Variants in RPTOR observed in about 807,000 individuals in gnomAD.
RPTOR encodes regulatory associated protein of MTOR complex 1, also known as regulatory-associated protein of mTOR.
Under a neutral mutation model 169.9 loss-of-function variants are expected in RPTOR, and 21 were observed. The observed-to-expected ratio is 0.12, with a 90% CI of 0.09 to 0.18. The LOEUF (loss-of-function observed/expected upper bound fraction) is 0.18. RPTOR is among the 10% of genes least tolerant of loss of function. The pLI, the probability that RPTOR is intolerant of heterozygous loss-of-function variation, is 1.00. For synonymous variants in RPTOR, 732 were observed against 753.2 expected (o/e 0.97, Z 0.46); for missense variants, 1,133 against 1,855.9 (o/e 0.61, Z 7.16).
intron 3 of RPTOR, among the ~76,000 whole-genome samples, chr17:80,667,642 G>A (rs1253824173): frequency 6.6e-6 from 1 of 152,178 alleles, no homozygotes. Context: ...GTTTAGCTGA[G>A]TCTCTTGGGA....
chr17:80,675,428 CTGTT>C (rs1221962254), intron 3 of RPTOR, among the ~76,000 whole-genome samples: 1 of 152,218 alleles, frequency 6.6e-6, no homozygotes, highest in African/African-American at 2.4e-5. Flanking sequence ...TCCCTCCTCT[CTGTT>C]TATTACTAGG....
chr17:80,887,126 G>A (rs2068256435), intron 17 of RPTOR, among the ~76,000 whole-genome samples: 2 of 151,994 alleles, frequency 1.3e-5, no homozygotes, highest in African/African-American at 2.4e-5. Context: ...GAAGGCTAGC[G>A]AGGAGTCAGA....
At chr17:80,574,331 AT>A (rs1197680686) in intron 1 of RPTOR, among the ~76,000 whole-genome samples, 2 of 146,434 alleles carry the variant, frequency 1.4e-5, no homozygotes, top group Non-Finnish European at 3.0e-5. Context: ...CGCCCGGCTA[AT>A]TTTTTGTATT....
In RPTOR at chr17:80,721,462, C is replaced by A. The variant is rs1019309079; in HGVS notation, c.508-9098C>A. On this transcript the variant is annotated intron_variant, in intron 4 of 33. Coordinates refer to ENST00000306801, the MANE Select transcript of RPTOR (RefSeq NM_020761.3). This position sits in a 1 kb window ranked among gnomAD's most constrained non-coding sequence, Gnocchi z 4.7. Reference sequence around the variant, plus strand: ...AGGAGCAGCAGAAGCCATGCTGGCTCTTCCTGCTGCGTGTGCATCTGGCCC... The same window carrying A: ...AGGAGCAGCAGAAGCCATGCTGGCTATTCCTGCTGCGTGTGCATCTGGCCC... Among the ~76,000 whole-genome samples the A allele has an allele frequency of 6.6e-6, 1 of 151,472 alleles. No individual in the cohort carries two copies. The highest frequency in any genetic ancestry group is 1.5e-5 in the Non-Finnish European group (1 of 68,038).
rs569898495 is a variant in RPTOR at position 80,595,470 on chromosome 17, C to T, written c.163-30221C>T. ...TCTTAGCAGACAGGGTTTTTCCCCC[C>T]CCTTAGATGGGGTCTCGCTCATTCG... On this transcript the variant is annotated intron_variant, in intron 1 of 33. Coordinates refer to ENST00000306801, the MANE Select transcript of RPTOR (RefSeq NM_020761.3). Among the ~76,000 whole-genome samples the T allele has an allele frequency of 2.2e-4, 33 of 152,294 alleles. No homozygotes were observed. In the East Asian group the frequency reaches 3.3e-3, roughly 15 times the overall value.
rs562583277 is a variant in RPTOR, at chr17:80,772,528, C to G, written c.830+18343C>G. On this transcript the variant is annotated intron_variant, in intron 6 of 33. Coordinates refer to ENST00000306801, the MANE Select transcript of RPTOR (RefSeq NM_020761.3). ...ATGCCCTGTTCCCCTTCCCCTCCCC[C>G]CCACATGCCTGGTCCCCCACCCCTA... Among the ~76,000 whole-genome samples, 627 of 142,656 alleles carry G rather than the reference C, an allele frequency of 4.4e-3. 2 individuals carry two copies. The highest frequency in any genetic ancestry group is 6.6e-3 in the Non-Finnish European group (429 of 65,132). 93.6% of individuals were successfully genotyped at this position (142,656 alleles called of 152,430 possible).
At chr17:80,577,430 A>C (rs1344268856) in intron 1 of RPTOR, among the ~76,000 whole-genome samples, 2 of 152,036 alleles carry the variant, frequency 1.3e-5, no homozygotes, top group African/African-American at 2.4e-5. Context: ...GGTGCATGCC[A>C]CCACACCTGG....
chr17:80,866,963 T>C (rs2067999695), intron 13 of RPTOR, among the ~76,000 whole-genome samples: 1 of 152,188 alleles, frequency 6.6e-6, no homozygotes, highest in South Asian at 2.1e-4. Flanking sequence ...TTACTGAACA[T>C]TAAGGAAGAC....
chr17:80,809,575 A>G (rs553514958), intron 7 of RPTOR, among the ~76,000 whole-genome samples: 3 of 152,302 alleles, frequency 2.0e-5, no homozygotes, highest in Admixed American at 6.5e-5. Context: ...CTATGCTGCT[A>G]TTGGCCATTA....
At chr17:80,828,599 C>T (rs2067470498) in intron 9 of RPTOR, among the ~76,000 whole-genome samples, 1 of 152,218 alleles carries the variant, frequency 6.6e-6, no homozygotes, top group Admixed American at 6.5e-5. Flanking sequence ...CCGGTGGCCA[C>T]CCACCTGCCT....
chr17:80,962,342 C>T, intron 31 of RPTOR, 119 bp from the exon 32 acceptor site: 1 of 807,760 alleles, frequency 1.2e-6, no homozygotes, highest in Non-Finnish European at 2.0e-6. Context: ...CAGCTTTTTC[C>T]TTGAGCAGTG....
chr17:80,722,692 G>A (rs1424683434), intron 4 of RPTOR, among the ~76,000 whole-genome samples: 3 of 151,438 alleles, frequency 2.0e-5, no homozygotes, highest in East Asian at 1.9e-4. Context: ...AAATGTACAC[G>A]AGAGTTGCAG....
intron 24 of RPTOR, 140 bp downstream of exon 24, chr17:80,925,620 G>T (rs2068802885): frequency 6.0e-6 from 4 of 671,380 alleles, no homozygotes; most frequent in African/African-American, 3.6e-5. Context: ...GGTTGAGGTA[G>T]AACCGCAGAA....
chr17:80,856,718 C>T (rs1233178881), intron 12 of RPTOR, among the ~76,000 whole-genome samples: 3 of 152,114 alleles, frequency 2.0e-5, no homozygotes, highest in Non-Finnish European at 2.9e-5. Context: ...CGTGGTATTG[C>T]GTGCACTCTA....
intron 13 of RPTOR, among the ~76,000 whole-genome samples, chr17:80,858,724 C>T (rs564500375): frequency 4.8e-4 from 73 of 151,656 alleles, no homozygotes; most frequent in Non-Finnish European, 6.9e-4. Context: ...GGATGTCGGG[C>T]GGGGGTCCAA....
At chr17:80,780,911 G>A (rs368475418) in intron 6 of RPTOR, among the ~76,000 whole-genome samples, 1 of 152,226 alleles carries the variant, frequency 6.6e-6, no homozygotes, top group South Asian at 2.1e-4. Flanking sequence ...GCTCTCAGTT[G>A]TCAGGGGTAC....
At chr17:80,766,383 C>G (rs2066787276) in intron 6 of RPTOR, among the ~76,000 whole-genome samples, 1 of 152,112 alleles carries the variant, frequency 6.6e-6, no homozygotes, top group Non-Finnish European at 1.5e-5. Context: ...AGGGTCTCTC[C>G]CTTTTACTTA....
chr17:80,686,038 T>G (rs77988602), intron 3 of RPTOR, among the ~76,000 whole-genome samples: 1,749 of 152,042 alleles, frequency 0.012, 35 homozygotes, highest in African/African-American at 0.04. Flanking sequence ...ACCCATCTGG[T>G]GCTGTTCATT....
chr17:80,892,711 T>G lies in RPTOR; in HGVS notation c.2102-18T>G, dbSNP rs2068341585. 6.2e-7 allele frequency: 1 copy of G among 1,611,170 alleles called. No homozygotes were observed. The highest frequency in any genetic ancestry group is 1.7e-5 in the Admixed American group (1 of 59,626). ...ACCTGGAAGCCCATTGTAATTTGTC[T>G]TTCTCCTTCTTTCCCAGAGGGAGGG... On this transcript the variant is annotated intron_variant, in intron 18 of 33. Coordinates refer to ENST00000306801, the MANE Select transcript of RPTOR (RefSeq NM_020761.3).
Sources: gnomAD v4.1 joint callset for allele counts (sites outside exome capture counted in the v4.1 genomes callset) on GRCh38, gnomAD v4.1.1 for gene constraint, Gnocchi (gnomAD v3.1) non-coding constraint, MANE v1.5 for transcripts, NCBI Gene and HGNC (gene_info 2026-07-23, HGNC 2026-07-21) for gene names.